The following MDGA2 variants were observed in gnomAD, a reference collection of about 807,000 sequenced individuals.
MDGA2 encodes MAM domain containing glycosylphosphatidylinositol anchor 2.
Under a neutral mutation model 117.8 loss-of-function variants are expected in MDGA2, and 40 were observed. The ratio of observed to expected loss-of-function variants is 0.34; its 90% CI spans 0.26 to 0.44. The LOEUF (loss-of-function observed/expected upper bound fraction) is 0.44. Among genes scored for constraint, MDGA2 ranks in the 20% least tolerant of loss-of-function variants. The pLI is 1.00. For missense variants in MDGA2, 1,123 were observed against 1,250.6 expected (o/e 0.90, Z 1.54); for synonymous variants, 452 against 439.0 (o/e 1.03, Z -0.37).
At chr14:47,484,832 C>G (rs1244239385) in intron 1 of MDGA2, among the ~76,000 whole-genome samples, 1 of 152,128 alleles carries the variant, frequency 6.6e-6, no homozygotes, top group Non-Finnish European at 1.5e-5. Flanking sequence ...CTGCCACCAT[C>G]CATGTAGGAT....
At chr14:47,323,451 T>C (rs1317000810) in intron 1 of MDGA2, among the ~76,000 whole-genome samples, 3 of 151,218 alleles carry the variant, frequency 2.0e-5, no homozygotes, top group African/African-American at 7.3e-5. Context: ...TATGGAGAAA[T>C]CCTGTCTCTA....
intron 6 of MDGA2, among the ~76,000 whole-genome samples, chr14:47,081,722 ATATTATTTT>A (rs1890715673): frequency 6.6e-6 from 1 of 152,286 alleles, no homozygotes; most frequent in African/African-American, 2.4e-5. Context: ...ATCCATTACC[ATATTATTTT>A]TAGTATGCAG....
intron 2 of MDGA2, among the ~76,000 whole-genome samples, chr14:47,233,948 T>C (rs1490011314): frequency 6.6e-6 from 1 of 152,044 alleles, no homozygotes; most frequent in Admixed American, 6.6e-5. Flanking sequence ...GGTGACACAA[T>C]TGAAACTATT....
intron 3 of MDGA2, among the ~76,000 whole-genome samples, chr14:47,168,656 C>T (rs968432597): frequency 8.5e-5 from 13 of 152,190 alleles, no homozygotes; most frequent in African/African-American, 3.1e-4. Context: ...CAAAGATAAG[C>T]TGAATGTGCT....
intron 1 of MDGA2, among the ~76,000 whole-genome samples, chr14:47,445,284 G>A (rs1893097932): frequency 6.6e-6 from 1 of 152,100 alleles, no homozygotes; most frequent in Admixed American, 6.6e-5. Context: ...AAGGAAGGAA[G>A]AGATAAAACA....
intron 1 of MDGA2, among the ~76,000 whole-genome samples, chr14:47,475,527 G>GT (rs755621861): frequency 5.3e-5 from 8 of 152,096 alleles, no homozygotes; most frequent in Non-Finnish European, 1.2e-4. Context: ...ACATGCACGT[G>GT]TATGTTCATT....
At chr14:47,567,267 TG>T (rs1895937424) in intron 1 of MDGA2, among the ~76,000 whole-genome samples, 3 of 152,278 alleles carry the variant, frequency 2.0e-5, no homozygotes, top group African/African-American at 4.8e-5. Context: ...TGTAATTATT[TG>T]CAATTCATGT....
At chr14:47,400,461 C>A (rs1892110572) in intron 1 of MDGA2, among the ~76,000 whole-genome samples, 1 of 151,992 alleles carries the variant, frequency 6.6e-6, no homozygotes, top group Non-Finnish European at 1.5e-5. Context: ...TAAAATCTAC[C>A]AGTTACATTT....
At chr14:47,587,291 T>TA (rs1201267003) in intron 1 of MDGA2, among the ~76,000 whole-genome samples, 4 of 151,798 alleles carry the variant, frequency 2.6e-5, no homozygotes, top group Non-Finnish European at 5.9e-5. Context: ...CCCCAGAACT[T>TA]AAAATAAAAC....
At chr14:46,892,640 A>G (rs972002127) in intron 10 of MDGA2, among the ~76,000 whole-genome samples, 1 of 151,910 alleles carries the variant, frequency 6.6e-6, no homozygotes, top group African/African-American at 2.4e-5. Flanking sequence ...TATATAATGA[A>G]CTCATGCAAC....
At position 47,499,435 on chromosome 14, in the gene MDGA2, A is replaced by G. The variant is rs149613815; in HGVS notation, c.280+175082T>C. The stretch of plus-strand genomic sequence containing the variant: ...TCTCCCCCCATTGATACAGAATTAA[A>G]ATTTAACCAGGTTAATGCCCTTCTA... On this transcript the variant is annotated intron_variant, in intron 1 of 16. Coordinates refer to ENST00000399232, the MANE Select transcript of MDGA2 (RefSeq NM_001113498.3). Among the ~76,000 whole-genome samples, 236 of 152,292 alleles carry G rather than the reference A, an allele frequency of 1.5e-3. 1 individual carries two copies. The highest frequency in any genetic ancestry group is 3.4e-3 in the Middle Eastern group (1 of 292).
chr14:47,425,217 C>G (rs1892662880), intron 1 of MDGA2, among the ~76,000 whole-genome samples: 2 of 152,082 alleles, frequency 1.3e-5, no homozygotes, highest in African/African-American at 2.4e-5. Context: ...AGAGGCTGCA[C>G]CAAGTTTGAT....
chr14:47,595,808 C>G (rs185178400), intron 1 of MDGA2, among the ~76,000 whole-genome samples: 1 of 152,194 alleles, frequency 6.6e-6, no homozygotes, highest in East Asian at 1.9e-4. Flanking sequence ...CCCCATAACT[C>G]AATGTTCTTA....
intron 7 of MDGA2, chr14:47,059,064 A>C (rs1313716291): frequency 2.0e-6 from 2 of 1,013,178 alleles, no homozygotes; most frequent in Admixed American, 1.2e-4. Flanking sequence ...TCAGTAGGGA[A>C]TTACAATAAG....
intron 7 of MDGA2, among the ~76,000 whole-genome samples, chr14:47,039,948 G>T (rs1594555608): frequency 6.6e-6 from 1 of 151,934 alleles, no homozygotes; most frequent in Admixed American, 6.6e-5. Flanking sequence ...TGCAAGATAA[G>T]GAATATGTTA....
intron 9 of MDGA2, among the ~76,000 whole-genome samples, chr14:46,929,642 TA>T (rs1884482256): frequency 2.1e-5 from 1 of 46,596 alleles, no homozygotes; most frequent in African/African-American, 9.3e-5. Flanking sequence ...TATATATATA[TA>T]TATACATTTT....
intron 2 of MDGA2, among the ~76,000 whole-genome samples, chr14:47,237,989 A>G (rs1262826222): frequency 6.6e-6 from 1 of 151,994 alleles, no homozygotes; most frequent in African/African-American, 2.4e-5. Context: ...ACCAGGCCCT[A>G]TATCCTTCCT....
chr14:46,943,411 G>A (rs1357206822), intron 9 of MDGA2, among the ~76,000 whole-genome samples: 2 of 151,818 alleles, frequency 1.3e-5, no homozygotes, highest in Non-Finnish European at 2.9e-5. Context: ...TTATTAACAT[G>A]ACTGAGTTAA....
At chr14:47,013,493 T>C (rs1261975045) in intron 8 of MDGA2, among the ~76,000 whole-genome samples, 3 of 151,914 alleles carry the variant, frequency 2.0e-5, no homozygotes, top group Non-Finnish European at 4.4e-5. Context: ...CCCTCCTCCA[T>C]AAGGGTTGAA....
Sources: allele counts gnomAD v4.1 joint callset (sites outside exome capture counted in the v4.1 genomes callset), GRCh38; gene constraint gnomAD v4.1.1; transcripts MANE v1.5; gene names NCBI Gene and HGNC (gene_info 2026-07-23, HGNC 2026-07-21).